The following GLI3 variants were observed in gnomAD, a reference collection of about 807,000 sequenced individuals.
The protein encoded by GLI3 is GLI family zinc finger 3, also known as transcription activator GLI3.
GLI3 carries 20 observed loss-of-function variants against 100.8 expected under a neutral mutation model. The observed-to-expected ratio is 0.20, with a 90% CI of 0.14 to 0.29. GLI3 has a LOEUF of 0.29. Among genes scored for constraint, GLI3 ranks in the 10% least tolerant of loss-of-function variants. GLI3 has a pLI of 1.00. For synonymous variants in GLI3, 938 were observed against 860.5 expected (o/e 1.09, Z -1.58); for missense variants, 2,040 against 2,128.5 (o/e 0.96, Z 0.82).
chr7:42,213,224 A>G (rs985249623), intron 2 of GLI3, among the ~76,000 whole-genome samples: 21 of 152,370 alleles, frequency 1.4e-4, no homozygotes, highest in African/African-American at 4.6e-4. Flanking sequence ...ATAAAATTTT[A>G]CTTAATAAAA....
At chr7:42,039,039 AACT>A (rs1221928249) in intron 7 of GLI3, among the ~76,000 whole-genome samples, 1 of 152,228 alleles carries the variant, frequency 6.6e-6, no homozygotes, top group African/African-American at 2.4e-5. Flanking sequence ...CAATTAACAA[AACT>A]ACAATTCAAA....
chr7:42,136,814 C>T (rs1226196201), intron 3 of GLI3, among the ~76,000 whole-genome samples: 1 of 152,148 alleles, frequency 6.6e-6, no homozygotes, highest in Non-Finnish European at 1.5e-5. Context: ...CAAGCCCCTG[C>T]CCAAAACTGG....
intron 4 of GLI3, among the ~76,000 whole-genome samples, chr7:42,067,552 T>C (rs1005363167): frequency 6.6e-6 from 1 of 152,206 alleles, no homozygotes; most frequent in African/African-American, 2.4e-5. Context: ...TAGAAGAATA[T>C]TGGCAGTTTT....
rs548978885 is a variant in GLI3, at chr7:42,063,739, A to C, written c.473+13013T>G. On this transcript the variant is annotated intron_variant, in intron 4 of 14. Transcript: ENST00000395925. ...CCTATGCTGTGACAGACACTGTGTT[A>C]AGTGCTATATATATGCTCCTTTGCT... 1.4e-4 allele frequency among the ~76,000 whole-genome samples: 21 copies of C among 152,322 alleles called. No homozygotes were observed. The East Asian group carries it at 4.0e-3, about 29-fold the overall frequency.
chr7:41,990,051 G>GGACGAATA (rs1294836761), intron 10 of GLI3, among the ~76,000 whole-genome samples: 1 of 149,134 alleles, frequency 6.7e-6, no homozygotes, highest in Non-Finnish European at 1.5e-5. Flanking sequence ...TTGAAAGGTA[G>GGACGAATA]GACGAATAGG....
chr7:42,075,019 T>C (rs1326416759), intron 4 of GLI3, among the ~76,000 whole-genome samples: 2 of 152,148 alleles, frequency 1.3e-5, no homozygotes, highest in Non-Finnish European at 2.9e-5. Context: ...GTGACGCATC[T>C]TGTCTCGTGA....
At chr7:42,189,665 G>A (rs1274875194) in intron 2 of GLI3, among the ~76,000 whole-genome samples, 1 of 152,154 alleles carries the variant, frequency 6.6e-6, no homozygotes. Flanking sequence ...GAATAAAGGG[G>A]AGGAAACAGG....
intron 2 of GLI3, among the ~76,000 whole-genome samples, chr7:42,170,205 T>C (rs552541784): frequency 2.8e-4 from 41 of 147,980 alleles, no homozygotes; most frequent in Non-Finnish European, 4.4e-4. Context: ...TGAGCTGAGA[T>C]TACAACACTG....
chr7:42,047,198 A>T (rs1048271417), intron 5 of GLI3, among the ~76,000 whole-genome samples: 3 of 152,244 alleles, frequency 2.0e-5, no homozygotes, highest in Admixed American at 6.5e-5. Context: ...GGCAAAACTT[A>T]TTCTTTAGCT....
Position 42,148,180 on chromosome 7 carries a change from C to T in GLI3, c.367+46G>A, listed in dbSNP as rs766110137. 3.2e-6 allele frequency: 5 copies of T among 1,561,564 alleles called. No individual in the cohort carries two copies. The Admixed American group carries it at 7.1e-5, about 22-fold the overall frequency. Reference sequence around the variant, plus strand: ...ACACACACACACACACACACACAGCCCTCCCCATAGCTCCTGAACAAGTGC... The same window carrying T: ...ACACACACACACACACACACACAGCTCTCCCCATAGCTCCTGAACAAGTGC... On this transcript the variant is annotated intron_variant, in intron 3 of 14. Transcript: ENST00000395925.
intron 3 of GLI3, among the ~76,000 whole-genome samples, chr7:42,079,907 G>A (rs948978067): frequency 2.0e-5 from 3 of 152,106 alleles, no homozygotes; most frequent in South Asian, 2.1e-4. Context: ...ATATATCCCC[G>A]AAGTAACAGT....
intron 12 of GLI3, among the ~76,000 whole-genome samples, chr7:41,975,270 G>T (rs1787480117): frequency 1.3e-5 from 2 of 152,132 alleles, no homozygotes; most frequent in African/African-American, 4.8e-5. Context: ...AACAGCAAAG[G>T]GCTTGGCACA....
chr7:41,975,559 G>A (rs1230964494), intron 12 of GLI3, among the ~76,000 whole-genome samples: 1 of 152,176 alleles, frequency 6.6e-6, no homozygotes, highest in East Asian at 1.9e-4. Context: ...TAAGTAAATT[G>A]CTCAAGTGTG....
chr7:42,137,359 G>A (rs1786453168), intron 3 of GLI3, among the ~76,000 whole-genome samples: 1 of 152,050 alleles, frequency 6.6e-6, no homozygotes, highest in Admixed American at 6.5e-5. Context: ...TTCTTCCACT[G>A]GCTTTTTGTT....
In GLI3 at chr7:42,088,706, C is replaced by T. The variant is rs149413213; in HGVS notation, c.368-11849G>A. Among the ~76,000 whole-genome samples, 396 of 152,300 alleles carry T rather than the reference C, an allele frequency of 2.6e-3. 3 individuals are homozygous for T. The highest frequency in any genetic ancestry group is 8.5e-3 in the African/African-American group (354 of 41,570). ...ATCCCAGAGGAATTCAGTTTGCCAG[C>T]GTTCTGTTTTAGGACTGGGGAGGAT... On this transcript the variant is annotated intron_variant, in intron 3 of 14. Transcript: ENST00000395925.
intron 3 of GLI3, among the ~76,000 whole-genome samples, chr7:42,091,925 G>A (rs1368857406): frequency 6.6e-6 from 1 of 152,218 alleles, no homozygotes. Context: ...CAAACAAACA[G>A]TTCACTTCAT....
intron 10 of GLI3, among the ~76,000 whole-genome samples, chr7:42,009,292 T>C (rs1294760554): frequency 6.6e-6 from 1 of 152,192 alleles, no homozygotes; most frequent in Non-Finnish European, 1.5e-5. Context: ...GTTTTCTTAG[T>C]GAACCCAGAG....
chr7:42,215,329 G>T (rs1045941175), intron 2 of GLI3, among the ~76,000 whole-genome samples: 1 of 152,098 alleles, frequency 6.6e-6, no homozygotes. Flanking sequence ...ATCTGGAAAC[G>T]TTTCTATGTA....
intron 3 of GLI3, among the ~76,000 whole-genome samples, chr7:42,125,051 A>C (rs1039919928): frequency 3.3e-5 from 5 of 152,178 alleles, no homozygotes; most frequent in Non-Finnish European, 5.9e-5. Context: ...AAAGGGACAC[A>C]GTTGACAGAG....
Sources: gnomAD v4.1 joint callset for allele counts (sites outside exome capture counted in the v4.1 genomes callset) on GRCh38, gnomAD v4.1.1 for gene constraint, MANE v1.5 for transcripts, NCBI Gene and HGNC (gene_info 2026-07-23, HGNC 2026-07-21) for gene names.